The following WDFY3 variants were observed in gnomAD, a reference collection of about 807,000 sequenced individuals.
The protein encoded by WDFY3 is WD repeat and FYVE domain containing 3.
Under a neutral mutation model 409.6 loss-of-function variants are expected in WDFY3, and 66 were observed. That is an observed-to-expected ratio of 0.16 (90% CI 0.13 to 0.20). The LOEUF is 0.20. Ranked by LOEUF, WDFY3 falls within the 10% of genes least tolerant of loss-of-function variation. The probability of loss-of-function intolerance (pLI) is 1.00; values close to 1 mark genes in which losing one functional copy is unlikely to be tolerated. For synonymous variants in WDFY3, 1,521 were observed against 1,537.1 expected (o/e 0.99, Z 0.25); for missense variants, 3,031 against 4,298.1 (o/e 0.71, Z 8.24).
intron 15 of WDFY3, among the ~76,000 whole-genome samples, chr4:84,807,969 T>A (rs1007515544): frequency 2.0e-5 from 3 of 151,162 alleles, no homozygotes; most frequent in Non-Finnish European, 4.4e-5. Context: ...AAAAAAAAAA[T>A]GAAAAATAAA....
intron 64 of WDFY3, among the ~76,000 whole-genome samples, chr4:84,681,155 T>G (rs997037232): frequency 6.6e-6 from 1 of 152,156 alleles, no homozygotes; most frequent in Non-Finnish European, 1.5e-5. Flanking sequence ...CACTTCTACA[T>G]TGTTCAATCC....
intron 2 of WDFY3, among the ~76,000 whole-genome samples, chr4:84,929,646 A>G: frequency 6.6e-6 from 1 of 152,156 alleles, no homozygotes; most frequent in Non-Finnish European, 1.5e-5. Flanking sequence ...GTGGTGGCTC[A>G]CGCCTATAAT....
At chr4:84,714,989 T>C (rs1179800490) in intron 50 of WDFY3, among the ~76,000 whole-genome samples, 4 of 151,508 alleles carry the variant, frequency 2.6e-5, no homozygotes. Context: ...GAAACTAAAG[T>C]TTTATTTTTA....
intron 13 of WDFY3, among the ~76,000 whole-genome samples, chr4:84,814,409 T>C (rs1481377615): frequency 1.3e-5 from 2 of 152,230 alleles, no homozygotes; most frequent in Admixed American, 6.5e-5. Flanking sequence ...CTCTGCAGTT[T>C]TGCTTTCCTT....
At chr4:84,918,811 G>GTT (rs1768852581) in intron 2 of WDFY3, among the ~76,000 whole-genome samples, 2 of 133,820 alleles carry the variant, frequency 1.5e-5, no homozygotes, top group African/African-American at 5.6e-5. Context: ...ATTTGTGTGT[G>GTT]TGTGTATATA....
At chr4:84,800,963 G>A (rs1750428394) in intron 17 of WDFY3, among the ~76,000 whole-genome samples, 1 of 152,080 alleles carries the variant, frequency 6.6e-6, no homozygotes, top group South Asian at 2.1e-4. Context: ...CCATGGCTCG[G>A]GGGTTTGAGA....
intron 45 of WDFY3, 64 bp from the exon 46 acceptor site, chr4:84,724,658 T>C: frequency 6.4e-7 from 1 of 1,556,242 alleles, no homozygotes; most frequent in Admixed American, 1.8e-5. Context: ...GTAATATTCT[T>C]GAGGGAAGGT....
At chr4:84,721,777 T>C (rs1275457402) in intron 46 of WDFY3, among the ~76,000 whole-genome samples, 4 of 152,164 alleles carry the variant, frequency 2.6e-5, no homozygotes, top group Admixed American at 2.6e-4. Flanking sequence ...CCTTAGTTTC[T>C]TATCTATAAA....
chr4:84,828,024 G>A (rs1393068370), intron 9 of WDFY3, among the ~76,000 whole-genome samples: 1 of 145,552 alleles, frequency 6.9e-6, no homozygotes, highest in Non-Finnish European at 1.5e-5. Flanking sequence ...AAATTATATC[G>A]AGCTATGATT....
intron 1 of WDFY3, among the ~76,000 whole-genome samples, chr4:84,963,450 A>G (rs921799404): frequency 6.8e-6 from 1 of 146,326 alleles, no homozygotes; most frequent in Non-Finnish European, 1.5e-5. Flanking sequence ...AAAGGTCAAG[A>G]AAAAAAAAAG....
At position 84,794,435 on chromosome 4, in the gene WDFY3, A is replaced by G. The variant is rs2149574592; in HGVS notation, c.3487+84T>C. The G allele has an allele frequency of 2.3e-6, 3 of 1,291,932 alleles. No individual in the cohort carries two copies. The South Asian group carries it at 4.2e-5, about 18-fold the overall frequency. The allele number at this position is 1,291,932 out of a possible 1,614,324, so 80.0% of individuals were successfully genotyped here. Reference sequence around the variant, plus strand: ...TAATAATTTAAGCTGAAAAGTTATTATTAGCTGGACTTTTAAAATAAATAC... The same window carrying G: ...TAATAATTTAAGCTGAAAAGTTATTGTTAGCTGGACTTTTAAAATAAATAC... On this transcript the variant is annotated intron_variant, in intron 21 of 67. Coordinates refer to ENST00000295888, the MANE Select transcript of WDFY3 (RefSeq NM_014991.6).
intron 1 of WDFY3, among the ~76,000 whole-genome samples, chr4:84,946,510 T>A (rs1772846145): frequency 6.6e-6 from 1 of 152,140 alleles, no homozygotes; most frequent in Non-Finnish European, 1.5e-5. Context: ...GTACTTCAAC[T>A]TGCTTTTTGC....
chr4:84,690,443 T>C, intron 61 of WDFY3, 63 bp downstream of exon 61: 1 of 1,612,458 alleles, frequency 6.2e-7, no homozygotes, highest in Non-Finnish European at 8.5e-7. Context: ...TTTTACTTCC[T>C]ACAGGGTGTA....
At chr4:84,680,089 C>T (rs1258504122) in intron 64 of WDFY3, among the ~76,000 whole-genome samples, 1 of 151,938 alleles carries the variant, frequency 6.6e-6, no homozygotes, top group East Asian at 1.9e-4. Context: ...CGGGGTTTCA[C>T]TATGTTGGCC....
At position 84,774,850 on chromosome 4, in the gene WDFY3, T is replaced by C; in HGVS notation, c.4724A>G (p.Gln1575Arg). ...AISNVLSFLL[Q>R]GFPSSNDLLR... ...CAGATCATTGCTGCTAGGAAAACCT[T>C]GCAGTAAGAAGCTCAGGACATTACT... Residue 1575 changes from glutamine (Q) to arginine (R), a missense_variant, in exon 29 of 68, where the codon CAA becomes CGA. By Grantham distance (43) the Gln-to-Arg change is conservative (BLOSUM62 1). Coordinates refer to ENST00000295888, the MANE Select transcript of WDFY3 (RefSeq NM_014991.6). The C allele has an allele frequency of 1.2e-6, 2 of 1,612,432 alleles. No individual in the cohort carries two copies.
intron 2 of WDFY3, among the ~76,000 whole-genome samples, chr4:84,913,074 G>A (rs1768006419): frequency 2.0e-5 from 3 of 152,124 alleles, no homozygotes; most frequent in African/African-American, 4.8e-5. Context: ...TTTGGTATTG[G>A]ACAATGCCCT....
At position 84,860,559 on chromosome 4, in the gene WDFY3, C is replaced by T. The variant is rs778329078; in HGVS notation, c.33G>A (p.Pro11=). 1.5e-5 allele frequency: 24 copies of T among 1,612,050 alleles called. No individual in the cohort carries two copies. The South Asian group carries it at 2.3e-4, about 16-fold the overall frequency. ...CTTGTGGGCTGCACTCCTCCTGCCTCGGCCGCCCCATGATCCTCTTCACCA... is the reference window on the plus strand; with the variant it reads ...CTTGTGGGCTGCACTCCTCCTGCCTTGGCCGCCCCATGATCCTCTTCACCA... The part of the protein sequence containing the change: MNMVKRIMGR[P]RQEECSPQDN... The change falls in exon 4 of 68, where the codon CCG becomes CCA. Residue 11 remains proline (P), a synonymous_variant. Coordinates refer to ENST00000295888, the MANE Select transcript of WDFY3 (RefSeq NM_014991.6).
At chr4:84,722,695 C>T (rs565988296) in intron 46 of WDFY3, among the ~76,000 whole-genome samples, 1 of 152,212 alleles carries the variant, frequency 6.6e-6, no homozygotes, top group South Asian at 2.1e-4. Context: ...AAAATGCATG[C>T]CAAATCACAC....
chr4:84,895,226 T>C (rs1429747048), intron 3 of WDFY3, among the ~76,000 whole-genome samples: 1 of 152,164 alleles, frequency 6.6e-6, no homozygotes, highest in Non-Finnish European at 1.5e-5. Flanking sequence ...GAAAGATAAA[T>C]CAATCACACT....
Sources: gnomAD v4.1 joint callset for allele counts (sites outside exome capture counted in the v4.1 genomes callset) on GRCh38, gnomAD v4.1.1 for gene constraint, MANE v1.5 for transcripts, NCBI Gene and HGNC (gene_info 2026-07-23, HGNC 2026-07-21) for gene names.